The following FLI1 variants were observed in gnomAD, a reference collection of about 807,000 sequenced individuals.
FLI1 encodes the protein Fli-1 proto-oncogene, ETS transcription factor.
FLI1 carries 13 observed loss-of-function variants against 53.1 expected under a neutral mutation model. That is an observed-to-expected ratio of 0.24 (90% CI 0.16 to 0.39). The LOEUF (loss-of-function observed/expected upper bound fraction) is 0.39, where lower values mean the gene tolerates loss of function less well. FLI1 is among the 10% of genes least tolerant of loss of function. FLI1 has a pLI of 1.00. For synonymous variants in FLI1, 244 were observed against 236.7 expected (o/e 1.03, Z -0.28); for missense variants, 424 against 600.5 (o/e 0.71, Z 3.07).
intron 1 of FLI1, among the ~76,000 whole-genome samples, chr11:128,725,472 C>G (rs73015311): frequency 2.5e-3 from 388 of 152,352 alleles, no homozygotes; most frequent in Non-Finnish European, 4.0e-3. Context: ...ATGGGAGGCA[C>G]ACCTCATGAG....
At chr11:128,772,626 C>A (rs1385392720) in intron 3 of FLI1, among the ~76,000 whole-genome samples, 156 bp from the exon 4 acceptor site, 1 of 152,152 alleles carries the variant, frequency 6.6e-6, no homozygotes, top group Non-Finnish European at 1.5e-5. Context: ...GCCATGGAGC[C>A]TGATGAGTGT....
At chr11:128,700,645 G>T (rs186325688) in intron 1 of FLI1, among the ~76,000 whole-genome samples, 67 of 152,284 alleles carry the variant, frequency 4.4e-4, no homozygotes, top group African/African-American at 1.6e-3. Context: ...AGACGGAAAT[G>T]GGTGGATCAC....
At chr11:128,715,724 A>G (rs998446360) in intron 1 of FLI1, among the ~76,000 whole-genome samples, 1 of 152,196 alleles carries the variant, frequency 6.6e-6, no homozygotes, top group Non-Finnish European at 1.5e-5. Flanking sequence ...TTCCACCCGT[A>G]AAGGTCATGC....
chr11:128,717,516 C>T (rs663503), intron 1 of FLI1, among the ~76,000 whole-genome samples: 82,128 of 151,964 alleles, frequency 0.54, 23,886 homozygotes, highest in South Asian at 0.69. Flanking sequence ...CCCCAAAGGG[C>T]AGTTTGGGAC....
chr11:128,686,972 AGCAGCTC>A (rs1591717947), intron 1 of FLI1: 1 of 158,808 alleles, frequency 6.3e-6, no homozygotes, highest in East Asian at 1.9e-4. Context: ...AGGAAGACCG[AGCAGCTC>A]GCCGCGTCAG....
chr11:128,780,388 T>C (rs1228425578), intron 4 of FLI1, among the ~76,000 whole-genome samples: 3 of 152,120 alleles, frequency 2.0e-5, no homozygotes, highest in African/African-American at 7.2e-5. Context: ...GGCAGGCAGA[T>C]CACCTGAGAC....
chr11:128,708,202 C>T (rs1338662919), intron 1 of FLI1, among the ~76,000 whole-genome samples: 8 of 152,144 alleles, frequency 5.3e-5, no homozygotes, highest in Non-Finnish European at 1.0e-4. Flanking sequence ...GGGAGAGGAG[C>T]GTTACATGAG....
chr11:128,703,047 C>G (rs1938405029), intron 1 of FLI1, among the ~76,000 whole-genome samples: 2 of 152,044 alleles, frequency 1.3e-5, no homozygotes, highest in Non-Finnish European at 2.9e-5. Context: ...GAATAGACAA[C>G]ACTAGAAAGA....
In FLI1 at chr11:128,733,633, C is replaced by T. The variant is rs111725903; in HGVS notation, c.19-24482C>T. On this transcript the variant is annotated intron_variant, in intron 1 of 8. Coordinates refer to ENST00000527786, the MANE Select transcript of FLI1 (RefSeq NM_002017.5). ...CAGGTCAAGCTACAAAGATCACATT[C>T]GCCATTTGGACTCAGTTGGCAGGAA... Among the ~76,000 whole-genome samples, 155 of 152,292 alleles carry T rather than the reference C, an allele frequency of 1.0e-3. 1 individual carries two copies. The highest frequency in any genetic ancestry group is 3.4e-3 in the African/African-American group (143 of 41,566).
chr11:128,713,705 C>T (rs548517779), intron 1 of FLI1, among the ~76,000 whole-genome samples: 3 of 152,002 alleles, frequency 2.0e-5, no homozygotes, highest in East Asian at 3.9e-4. Flanking sequence ...GAGGGCACAA[C>T]GTGGGGACCT....
chr11:128,808,380 T>G (rs957937573), intron 7 of FLI1, among the ~76,000 whole-genome samples: 3 of 152,156 alleles, frequency 2.0e-5, no homozygotes, highest in Admixed American at 6.5e-5. Flanking sequence ...CATGATTTCC[T>G]CAACTAACAA....
intron 1 of FLI1, among the ~76,000 whole-genome samples, chr11:128,729,618 C>T (rs1939615774): frequency 6.6e-6 from 1 of 152,148 alleles, no homozygotes; most frequent in South Asian, 2.1e-4. Flanking sequence ...AACTGAGGTC[C>T]CCTTTTGCTC....
At chr11:128,694,354 C>A in intron 1 of FLI1, 78 bp downstream of exon 1, 1 of 1,152,262 alleles carries the variant, frequency 8.7e-7, no homozygotes, top group South Asian at 3.4e-5. Context: ...GTGCGGGGCC[C>A]GCGTCCCGGA....
chr11:128,810,403 C>T lies in FLI1; in HGVS notation c.830-56C>T. ...CTCCCTGCATTTAGGGAACTGGGTT[C>T]TGCCTTCTCTGGGCTGAGGTGTTCT... On this transcript the variant is annotated intron_variant, in intron 8 of 8. Transcript: ENST00000527786. This position sits in a 1 kb window ranked among gnomAD's most constrained non-coding sequence, Gnocchi z 6.6. The T allele has an allele frequency of 6.6e-7, 1 of 1,506,714 alleles. No homozygotes were observed. The highest frequency in any genetic ancestry group is 8.9e-7 in the Non-Finnish European group (1 of 1,124,534). The allele number at this position is 1,506,714 out of a possible 1,614,324, so 93.3% of individuals were successfully genotyped here. A position where few individuals can be genotyped will look rare whatever the true frequency, so the allele number is the denominator to read the frequency against.
intron 1 of FLI1, among the ~76,000 whole-genome samples, chr11:128,687,789 C>T (rs1300449637): frequency 3.3e-5 from 5 of 152,164 alleles, no homozygotes; most frequent in Non-Finnish European, 5.9e-5. Flanking sequence ...CCGTGTGAAG[C>T]AGTCACTCGT....
intron 4 of FLI1, among the ~76,000 whole-genome samples, chr11:128,781,379 A>G (rs1941912255): frequency 6.6e-6 from 1 of 152,234 alleles, no homozygotes; most frequent in African/African-American, 2.4e-5. Context: ...ATGGCAAAGT[A>G]CAAGCTGCAG....
At chr11:128,784,268 C>CCTGCTG (rs1555122623) in intron 5 of FLI1, among the ~76,000 whole-genome samples, 1 of 130,228 alleles carries the variant, frequency 7.7e-6, no homozygotes, top group African/African-American at 3.0e-5. Flanking sequence ...TCCTCCTCCT[C>CCTGCTG]CTGCTGTCTT....
intron 5 of FLI1, among the ~76,000 whole-genome samples, chr11:128,793,964 G>A (rs1430101459): frequency 6.6e-6 from 1 of 152,162 alleles, no homozygotes; most frequent in Non-Finnish European, 1.5e-5. Flanking sequence ...TGAGTGCTTG[G>A]CAGGGTAGAG....
chr11:128,781,400 G>T (rs890676499), intron 4 of FLI1, among the ~76,000 whole-genome samples: 2 of 152,224 alleles, frequency 1.3e-5, no homozygotes, highest in African/African-American at 4.8e-5. Context: ...GCCAAATCTG[G>T]CCAAAAGTGG....
Sources: allele counts gnomAD v4.1 joint callset (sites outside exome capture counted in the v4.1 genomes callset), GRCh38; gene constraint gnomAD v4.1.1; non-coding constraint Gnocchi (gnomAD v3.1); transcripts MANE v1.5; gene names NCBI Gene and HGNC (gene_info 2026-07-23, HGNC 2026-07-21).